The following HSCB variants were observed in gnomAD, a reference collection of about 807,000 sequenced individuals.
The protein encoded by HSCB is HscB mitochondrial iron-sulfur cluster cochaperone.
HSCB carries 23 observed loss-of-function variants against 31.3 expected under a neutral mutation model. The ratio of observed to expected loss-of-function variants is 0.74; its 90% CI spans 0.53 to 1.04. The LOEUF (loss-of-function observed/expected upper bound fraction) is 1.04, where lower values mean the gene tolerates loss of function less well. Ranked by LOEUF, HSCB falls within the 50% of genes least tolerant of loss-of-function variation. The pLI, the probability that HSCB is intolerant of heterozygous loss-of-function variation, is 0.00. For missense variants in HSCB, 297 were observed against 288.1 expected (o/e 1.03, Z -0.22); for synonymous variants, 110 against 104.5 (o/e 1.05, Z -0.32).
chr22:28,757,067 G>A lies in HSCB; in HGVS notation c.617-11G>A. ...AATGAAGCCTGACTTCAGTGTCTCT[G>A]TCTATTTCAGATGACTTTGAAGAAG... On this transcript the variant is annotated splice_polypyrimidine_tract_variant and intron_variant, in intron 5 of 5. Coordinates refer to ENST00000216027, the MANE Select transcript of HSCB (RefSeq NM_172002.5). 6.9e-7 allele frequency: 1 copy of A among 1,459,810 alleles called. No homozygotes were observed. The highest frequency in any genetic ancestry group is 9.6e-7 in the Non-Finnish European group (1 of 1,040,120). 90.4% of individuals were successfully genotyped at this position (1,459,810 alleles called of 1,614,324 possible). A position where few individuals can be genotyped will look rare whatever the true frequency, so the allele number is the denominator to read the frequency against.
chr22:28,755,210 A>G (rs2030529025), intron 5 of HSCB, among the ~76,000 whole-genome samples: 1 of 150,710 alleles, frequency 6.6e-6, no homozygotes, highest in Non-Finnish European at 1.5e-5. Context: ...GGAGATGGAG[A>G]CCATCCTGGC....
At chr22:28,755,780 T>C (rs2030563814) in intron 5 of HSCB, among the ~76,000 whole-genome samples, 1 of 152,192 alleles carries the variant, frequency 6.6e-6, no homozygotes, top group South Asian at 2.1e-4. Context: ...ACGGATATTG[T>C]AAGCCAGATA....
chr22:28,742,194 G>T lies in HSCB; in HGVS notation c.99G>T (p.Gln33His). The change falls in exon 1 of 6, where the codon CAG (glutamine) becomes CAT (histidine). Residue 33 changes from glutamine to histidine, a missense_variant. Gln to His is a conservative substitution (Grantham distance 24). Coordinates refer to ENST00000216027, the MANE Select transcript of HSCB (RefSeq NM_172002.5). ...RRPLSCDAAS[Q>H]AGSNYPRCWN... Reference sequence around the variant, plus strand: ...CGCTAAGCTGCGATGCTGCGTCGCAGGCGGGAAGCAATTATCCCCGCTGTT... The same window carrying T: ...CGCTAAGCTGCGATGCTGCGTCGCATGCGGGAAGCAATTATCCCCGCTGTT... 6.2e-7 allele frequency: 1 copy of T among 1,613,956 alleles called. No homozygotes were observed. The highest frequency in any genetic ancestry group is 1.1e-5 in the South Asian group (1 of 91,048).
At chr22:28,756,884 T>C (rs114272793) in intron 5 of HSCB, among the ~76,000 whole-genome samples, 194 bp from the exon 6 acceptor site, 3,058 of 152,232 alleles carry the variant, frequency 0.02, 105 homozygotes, top group African/African-American at 0.07. Flanking sequence ...TACACAACTC[T>C]CGCCCCATTT....
At chr22:28,746,034 T>G in intron 4 of HSCB, 26 bp downstream of exon 4, 1 of 1,588,678 alleles carries the variant, frequency 6.3e-7, no homozygotes, top group Non-Finnish European at 8.6e-7. Flanking sequence ...GCACTGAATG[T>G]ATTTCATTGC....
chr22:28,742,032 T>C (rs1358343977), upstream of HSCB: 4 of 1,522,906 alleles, frequency 2.6e-6, no homozygotes, highest in Non-Finnish European at 1.8e-6. Context: ...GCAACATTAG[T>C]CTGGTTAGAC....
In HSCB at chr22:28,743,886, C is replaced by T. The variant is rs2054638243; in HGVS notation, c.241C>T (p.Arg81Cys). ...RDYFSLMDCN[R>C]SFRVDTAKLQ... is the part of the protein sequence containing the mutation. Reference sequence around the variant, plus strand: ...AATCTCCCAATTTCCTTCCAGCAACCGTTCCTTCAGAGTTGATACAGCGAA... The same window carrying T: ...AATCTCCCAATTTCCTTCCAGCAACTGTTCCTTCAGAGTTGATACAGCGAA... The change falls in exon 2 of 6, where the codon CGT becomes TGT. Residue 81 changes from arginine to cysteine, a missense_variant. Physicochemically the swap from Arg to Cys is radical, Grantham distance 180. Transcript: ENST00000216027. 4 of 1,613,332 alleles carry T rather than the reference C, an allele frequency of 2.5e-6. No homozygotes were observed. Among genetic ancestry groups the T allele is most frequent in the African/African-American group, 1.3e-5 (1 of 74,916 alleles).
chr22:28,742,681 G>A, intron 1 of HSCB: 1 of 360,586 alleles, frequency 2.8e-6, no homozygotes, highest in Non-Finnish European at 5.2e-6. Flanking sequence ...TGAGGAAAGG[G>A]TACTTGAGGG....
At chr22:28,749,233 C>G (rs2030061442) in intron 4 of HSCB, among the ~76,000 whole-genome samples, 2 of 152,074 alleles carry the variant, frequency 1.3e-5, no homozygotes, top group Admixed American at 1.3e-4. Context: ...GCCTCTGCTT[C>G]TCTCTGTTTT....
chr22:28,742,531 A>T (rs1208014464), intron 1 of HSCB, 200 bp downstream of exon 1: 1 of 881,770 alleles, frequency 1.1e-6, no homozygotes, highest in Non-Finnish European at 1.6e-6. Context: ...AGCAACGTTG[A>T]GGTGTGGAGA....
rs2030610933 is a variant in HSCB, at chr22:28,756,565, C to T, written c.617-513C>T. On this transcript the variant is annotated intron_variant, in intron 5 of 5. Transcript: ENST00000216027. ...CTCAGTGCAACCTCAAACTCCTGGGCTCAAGGGATCCTCCCACCTCAGCCT... is the reference window on the plus strand; with the variant it reads ...CTCAGTGCAACCTCAAACTCCTGGGTTCAAGGGATCCTCCCACCTCAGCCT... Among the ~76,000 whole-genome samples the T allele has an allele frequency of 2.0e-5, 3 of 151,706 alleles. No homozygotes were observed. The South Asian group carries it at 6.3e-4, about 32-fold the overall frequency.
chr22:28,747,183 C>T (rs2029900152), intron 4 of HSCB, among the ~76,000 whole-genome samples: 1 of 152,138 alleles, frequency 6.6e-6, no homozygotes, highest in South Asian at 2.1e-4. Flanking sequence ...CACTTAATGC[C>T]TCTACTTGAT....
At chr22:28,750,210 TTGCACTAC>T (rs1361483778) in intron 4 of HSCB, among the ~76,000 whole-genome samples, 3 of 131,954 alleles carry the variant, frequency 2.3e-5, no homozygotes, top group African/African-American at 8.9e-5. Flanking sequence ...GATCGCACCA[TTGCACTAC>T]AGCCTGGGCA....
At chr22:28,742,033 C>A, upstream of HSCB, 2 of 1,525,586 alleles carry the variant, frequency 1.3e-6, no homozygotes, top group South Asian at 1.2e-5. Flanking sequence ...CAACATTAGT[C>A]TGGTTAGACG....
chr22:28,751,395 A>G (rs1601399843), intron 5 of HSCB, 107 bp downstream of exon 5: 2 of 611,550 alleles, frequency 3.3e-6, no homozygotes, highest in Non-Finnish European at 5.8e-6. Flanking sequence ...TGATAGCTAT[A>G]TAGGGAGATA....
chr22:28,750,372 T>A (rs2030150262), intron 4 of HSCB, among the ~76,000 whole-genome samples: 1 of 151,948 alleles, frequency 6.6e-6, no homozygotes, highest in African/African-American at 2.4e-5. Flanking sequence ...AGGTATCTGC[T>A]ATGGCCCAGG....
chr22:28,742,533 G>A, intron 1 of HSCB: 1 of 927,922 alleles, frequency 1.1e-6, no homozygotes, highest in Non-Finnish European at 1.6e-6. Context: ...CAACGTTGAG[G>A]TGTGGAGAAG....
At chr22:28,746,273 C>T (rs1199624153) in intron 4 of HSCB, among the ~76,000 whole-genome samples, 3 of 145,340 alleles carry the variant, frequency 2.1e-5, no homozygotes, top group Admixed American at 7.1e-5. Flanking sequence ...CCCAGCTACT[C>T]GGGAGGCTGA....
At chr22:28,744,102 C>T (rs2054642734) in intron 2 of HSCB, 124 bp downstream of exon 2, 1 of 785,780 alleles carries the variant, frequency 1.3e-6, no homozygotes, top group Non-Finnish European at 2.2e-6. Flanking sequence ...CCATGGCAGT[C>T]TGACCCCAGC....
Sources: allele counts gnomAD v4.1 joint callset (sites outside exome capture counted in the v4.1 genomes callset), GRCh38; gene constraint gnomAD v4.1.1; transcripts MANE v1.5; gene names NCBI Gene and HGNC (gene_info 2026-07-23, HGNC 2026-07-21).